Variants in HELLS observed in about 807,000 individuals in gnomAD.
HELLS encodes the protein helicase, lymphoid specific, also known as lymphoid-specific helicase.
A neutral mutation model predicts 120.0 loss-of-function variants in HELLS; 32 were observed. The observed-to-expected ratio is 0.27, with a 90% CI of 0.20 to 0.36. The LOEUF is 0.36. Ranked by LOEUF, HELLS falls within the 10% of genes least tolerant of loss-of-function variation. The pLI is 1.00. For missense variants in HELLS, 650 were observed against 993.4 expected (o/e 0.65, Z 4.65); for synonymous variants, 341 against 323.4 (o/e 1.05, Z -0.58).
At chr10:94,592,913 A>C (rs1845562552) in intron 17 of HELLS, among the ~76,000 whole-genome samples, 1 of 151,884 alleles carries the variant, frequency 6.6e-6, no homozygotes, top group Non-Finnish European at 1.5e-5. Flanking sequence ...TTAAAAACAC[A>C]TTTCCTGTAA....
intron 6 of HELLS, chr10:94,571,179 T>A: frequency 2.4e-6 from 1 of 415,194 alleles, no homozygotes; most frequent in South Asian, 2.9e-5. Context: ...TCCCATTGTA[T>A]AAGTGTTCCC....
At chr10:94,600,419 T>A (rs1235170909) in intron 21 of HELLS, among the ~76,000 whole-genome samples, 1 of 152,138 alleles carries the variant, frequency 6.6e-6, no homozygotes, top group Non-Finnish European at 1.5e-5. Context: ...ATACCAGGTA[T>A]AAAGTCTTAT....
At chr10:94,604,326 T>C (rs962397092), downstream of HELLS, among the ~76,000 whole-genome samples, 3 of 152,048 alleles carry the variant, frequency 2.0e-5, no homozygotes, top group Non-Finnish European at 4.4e-5. Flanking sequence ...GGTTTCACCA[T>C]GTTGGCCAGG....
At chr10:94,561,076 A>G (rs1452474096) in intron 4 of HELLS, among the ~76,000 whole-genome samples, 1 of 102,904 alleles carries the variant, frequency 9.7e-6, no homozygotes, top group Non-Finnish European at 2.1e-5. Context: ...ACAAAAAAAC[A>G]AAAAAAAAAC....
chr10:94,566,294 A>G (rs1843793871), intron 6 of HELLS, among the ~76,000 whole-genome samples: 1 of 152,210 alleles, frequency 6.6e-6, no homozygotes. Flanking sequence ...CTTGAAGGAT[A>G]AAAGTTAAAT....
At chr10:94,552,841 T>A (rs1008974055) in intron 2 of HELLS, among the ~76,000 whole-genome samples, 1 of 151,276 alleles carries the variant, frequency 6.6e-6, no homozygotes, top group Non-Finnish European at 1.5e-5. Context: ...TAACAGGGCA[T>A]GGTGGCATCT....
chr10:94,568,115 G>A (rs1315776527), intron 6 of HELLS, among the ~76,000 whole-genome samples: 1 of 151,632 alleles, frequency 6.6e-6, no homozygotes, highest in East Asian at 1.9e-4. Flanking sequence ...TCACCATTTT[G>A]GCCTGGATGG....
chr10:94,598,769 T>C (rs1374321581), intron 21 of HELLS, among the ~76,000 whole-genome samples: 1 of 152,134 alleles, frequency 6.6e-6, no homozygotes, highest in East Asian at 1.9e-4. Context: ...ATGATTTTTA[T>C]GTCATCTGTA....
chr10:94,605,072 TCCCCC>T, downstream of HELLS, among the ~76,000 whole-genome samples: 1 of 66,824 alleles, frequency 1.5e-5, no homozygotes, highest in Non-Finnish European at 2.6e-5. Context: ...GTCTTGTGTC[TCCCCC>T]CCCCCCCCTT....
chr10:94,578,286 G>A (rs984456198), intron 10 of HELLS, among the ~76,000 whole-genome samples: 2 of 152,032 alleles, frequency 1.3e-5, no homozygotes, highest in Non-Finnish European at 2.9e-5. Context: ...ACCAGGAACC[G>A]GTTTTGTGGA....
intron 6 of HELLS, among the ~76,000 whole-genome samples, chr10:94,563,601 C>T (rs1265784482): frequency 6.6e-6 from 1 of 152,060 alleles, no homozygotes; most frequent in Non-Finnish European, 1.5e-5. Flanking sequence ...ATCCTCCTAC[C>T]TCAGCCCCCT....
At chr10:94,560,137 A>G (rs922111058) in intron 4 of HELLS, among the ~76,000 whole-genome samples, 6 of 151,760 alleles carry the variant, frequency 4.0e-5, no homozygotes, top group Admixed American at 2.6e-4. Flanking sequence ...GGTTGAAGCA[A>G]TTCTCTGCCT....
intron 2 of HELLS, 60 bp downstream of exon 2, chr10:94,546,558 G>T (rs1380860933): frequency 6.2e-7 from 1 of 1,603,420 alleles, no homozygotes; most frequent in African/African-American, 1.3e-5. Flanking sequence ...CTTTAACCCG[G>T]AGGTGTGGTT....
chr10:94,570,893 G>A (rs936992221), intron 6 of HELLS: 1 of 152,156 alleles, frequency 6.6e-6, no homozygotes, highest in Non-Finnish European at 1.5e-5. Flanking sequence ...TAGCTTTTGA[G>A]TAGTTTTGTG....
intron 9 of HELLS, among the ~76,000 whole-genome samples, chr10:94,608,693 A>G (rs573941501): frequency 6.6e-6 from 1 of 151,232 alleles, no homozygotes; most frequent in Non-Finnish European, 1.5e-5. Flanking sequence ...ATTATAATTC[A>G]CTGCAGCCTC....
chr10:94,551,801 G>A (rs1310039752), intron 2 of HELLS, among the ~76,000 whole-genome samples: 2 of 150,872 alleles, frequency 1.3e-5, no homozygotes, highest in African/African-American at 4.9e-5. Context: ...GTGCAGTGGC[G>A]CGATCTCGGC....
chr10:94,548,351 G>A (rs895977020), intron 2 of HELLS, among the ~76,000 whole-genome samples: 2 of 152,166 alleles, frequency 1.3e-5, no homozygotes, highest in African/African-American at 4.8e-5. Context: ...GTCTAAGAGG[G>A]ATGTGATAAT....
In HELLS at chr10:94,564,686, A is replaced by G. The variant is rs1287790513; in HGVS notation, c.435+1810A>G. On this transcript the variant is annotated intron_variant, in intron 6 of 21. Transcript: ENST00000348459. ...GAGTGCAGTGGCGCGATCTCGGCTCACTGCTACAAGCTCCACCTCCCATAT... is the reference window on the plus strand; with the variant it reads ...GAGTGCAGTGGCGCGATCTCGGCTCGCTGCTACAAGCTCCACCTCCCATAT... 1.6e-4 allele frequency among the ~76,000 whole-genome samples: 24 copies of G among 151,976 alleles called. No homozygotes were observed. The East Asian group carries it at 4.3e-3, about 27-fold the overall frequency.
exon 10 of HELLS, chr10:94,612,885 C>T (rs2134147656): frequency 6.6e-6 from 1 of 152,302 alleles, no homozygotes; most frequent in East Asian, 1.9e-4. Flanking sequence ...GATTGTGCCC[C>T]TGCATTCTAG....
Sources: allele counts gnomAD v4.1 joint callset (sites outside exome capture counted in the v4.1 genomes callset), GRCh38; gene constraint gnomAD v4.1.1; transcripts MANE v1.5; gene names NCBI Gene and HGNC (gene_info 2026-07-23, HGNC 2026-07-21).